Variants in NEGR1 observed in about 807,000 individuals in gnomAD.
NEGR1 encodes IgLON family member 4.
In NEGR1, 10 loss-of-function variants were observed where a neutral mutation model predicts 40.9. That is an observed-to-expected ratio of 0.24 (90% confidence interval 0.15 to 0.42). NEGR1 has a LOEUF of 0.42. Among genes scored for constraint, NEGR1 ranks in the 10% least tolerant of loss-of-function variants. The pLI is 1.00. For missense variants in NEGR1, 352 were observed against 438.9 expected (o/e 0.80, Z 1.77); for synonymous variants, 185 against 166.8 (o/e 1.11, Z -0.84).
At chr1:71,571,648 C>T (rs994756243) in intron 6 of NEGR1, among the ~76,000 whole-genome samples, 4 of 151,898 alleles carry the variant, frequency 2.6e-5, no homozygotes, top group African/African-American at 9.7e-5. Context: ...AAAAATTTAG[C>T]CAGACAGGGT....
intron 2 of NEGR1, among the ~76,000 whole-genome samples, chr1:71,841,043 C>T (rs1249179902): frequency 6.6e-6 from 1 of 151,988 alleles, no homozygotes; most frequent in Non-Finnish European, 1.5e-5. Flanking sequence ...ATCACATGAA[C>T]CAATTTCTTA....
chr1:71,498,669 T>A (rs1646980751), intron 6 of NEGR1, among the ~76,000 whole-genome samples: 1 of 152,068 alleles, frequency 6.6e-6, no homozygotes, highest in Admixed American at 6.6e-5. Context: ...GTCTGCCAGA[T>A]CCCCTTGCTT....
At position 71,558,312 on chromosome 1, in the gene NEGR1, C is replaced by T. The variant is rs146834828; in HGVS notation, c.940+34505G>A. 4.3e-4 allele frequency among the ~76,000 whole-genome samples: 65 copies of T among 151,668 alleles called. 1 individual carries two copies. The East Asian group carries it at 0.012, about 27-fold the overall frequency. On this transcript the variant is annotated intron_variant, in intron 6 of 6. Transcript: ENST00000357731. ...ATTAAAATTGCCATAGCAATTAAAA[C>T]ATATTCATGAGGGAGATATATTGAG...
chr1:71,632,475 A>T (rs1252898763), intron 4 of NEGR1, among the ~76,000 whole-genome samples: 1 of 151,044 alleles, frequency 6.6e-6, no homozygotes, highest in East Asian at 1.9e-4. Context: ...ATACAAATTG[A>T]TTTTATTGAA....
At chr1:72,128,869 TCAAAA>T (rs1650132543) in intron 1 of NEGR1, among the ~76,000 whole-genome samples, 1 of 152,134 alleles carries the variant, frequency 6.6e-6, no homozygotes, top group Admixed American at 6.5e-5. Context: ...TGGGTATCAT[TCAAAA>T]TGTTAATAGC....
intron 3 of NEGR1, among the ~76,000 whole-genome samples, chr1:71,709,203 C>T (rs1255573639): frequency 6.6e-6 from 1 of 152,152 alleles, no homozygotes; most frequent in East Asian, 1.9e-4. Flanking sequence ...CTAATTTACA[C>T]TCCCAGGAAG....
intron 1 of NEGR1, among the ~76,000 whole-genome samples, chr1:72,132,012 T>C (rs1408041599): frequency 6.6e-6 from 1 of 152,136 alleles, no homozygotes; most frequent in Admixed American, 6.5e-5. Flanking sequence ...GGCAGGAGAA[T>C]CGCTTTAACT....
chr1:71,551,246 C>G (rs1265456907), intron 6 of NEGR1, among the ~76,000 whole-genome samples: 2 of 151,498 alleles, frequency 1.3e-5, no homozygotes, highest in Non-Finnish European at 3.0e-5. Context: ...AAAGAAAAAT[C>G]AAACATACTT....
At position 71,449,884 on chromosome 1, in the gene NEGR1, G is replaced by A. The variant is rs186057869; in HGVS notation, c.941-42314C>T. Among the ~76,000 whole-genome samples, 331 of 151,722 alleles carry A rather than the reference G, an allele frequency of 2.2e-3. 1 individual carries two copies. The highest frequency in any genetic ancestry group is 7.7e-3 in the African/African-American group (318 of 41,380). Reference sequence around the variant, plus strand: ...GGCTGGATTTTTATAATTTTTCTTGGTATTCTCATTGAGTGATATAAGCCA... The same window carrying A: ...GGCTGGATTTTTATAATTTTTCTTGATATTCTCATTGAGTGATATAAGCCA... On this transcript the variant is annotated intron_variant, in intron 6 of 6. Transcript: ENST00000357731.
chr1:72,271,084 G>A (rs181681195), intron 1 of NEGR1, among the ~76,000 whole-genome samples: 1 of 151,964 alleles, frequency 6.6e-6, no homozygotes, highest in East Asian at 1.9e-4. Flanking sequence ...TAGAGAAGCA[G>A]GAACTCAAGC....
At chr1:71,909,200 T>C (rs946826003) in intron 2 of NEGR1, among the ~76,000 whole-genome samples, 1 of 152,186 alleles carries the variant, frequency 6.6e-6, no homozygotes, top group South Asian at 2.1e-4. Flanking sequence ...GAGAGTACTT[T>C]TAAGAGAAGG....
chr1:71,749,222 A>T (rs1655489250), intron 3 of NEGR1, among the ~76,000 whole-genome samples: 1 of 152,200 alleles, frequency 6.6e-6, no homozygotes, highest in Non-Finnish European at 1.5e-5. Flanking sequence ...CTGAGGTATC[A>T]CAATTTTTCA....
intron 1 of NEGR1, among the ~76,000 whole-genome samples, chr1:72,204,810 T>G (rs1411306898): frequency 6.6e-6 from 1 of 152,170 alleles, no homozygotes; most frequent in Non-Finnish European, 1.5e-5. Context: ...TAAAATGTTT[T>G]GTAATTAAAT....
At chr1:71,451,075 T>G (rs1425871812) in intron 6 of NEGR1, among the ~76,000 whole-genome samples, 1 of 152,210 alleles carries the variant, frequency 6.6e-6, no homozygotes, top group Non-Finnish European at 1.5e-5. Context: ...TAATCACTTT[T>G]CATTTGTCAA....
intron 6 of NEGR1, among the ~76,000 whole-genome samples, chr1:71,530,254 A>G (rs373543628): frequency 5.9e-5 from 9 of 151,418 alleles, no homozygotes; most frequent in Admixed American, 5.3e-4. Flanking sequence ...TTTCATTTGG[A>G]TAACATTTTT....
At chr1:71,499,964 T>C (rs1387681841) in intron 6 of NEGR1, among the ~76,000 whole-genome samples, 1 of 152,126 alleles carries the variant, frequency 6.6e-6, no homozygotes, top group East Asian at 1.9e-4. Context: ...TAATGATGTG[T>C]GATGTGCTTC....
At chr1:71,864,248 T>C (rs2101826267) in intron 2 of NEGR1, among the ~76,000 whole-genome samples, 1 of 152,254 alleles carries the variant, frequency 6.6e-6, no homozygotes, top group Non-Finnish European at 1.5e-5. Context: ...CTGTACAGCT[T>C]ATTCCACTGT....
chr1:71,783,747 C>A (rs1177398745), intron 2 of NEGR1, among the ~76,000 whole-genome samples: 1 of 152,040 alleles, frequency 6.6e-6, no homozygotes, highest in African/African-American at 2.4e-5. Context: ...TACCTATGCA[C>A]GAGTTTTTCT....
intron 2 of NEGR1, among the ~76,000 whole-genome samples, chr1:71,868,303 G>T (rs778147236): frequency 3.9e-5 from 6 of 152,090 alleles, no homozygotes; most frequent in Non-Finnish European, 7.4e-5. Context: ...TCAATCAAAT[G>T]AATTCCCAAA....
Sources: gnomAD v4.1 joint callset for allele counts (sites outside exome capture counted in the v4.1 genomes callset) on GRCh38, gnomAD v4.1.1 for gene constraint, MANE v1.5 for transcripts, NCBI Gene and HGNC (gene_info 2026-07-23, HGNC 2026-07-21) for gene names.